SEC11A: variants seen among roughly 807,000 people sequenced by gnomAD.
SEC11A encodes the protein SEC11 homolog A, signal peptidase complex subunit.
In SEC11A, 14 loss-of-function variants were observed where a neutral mutation model predicts 25.6. The ratio of observed to expected loss-of-function variants is 0.55; its 90% confidence interval spans 0.36 to 0.85. The LOEUF is 0.85. Ranked by LOEUF, SEC11A falls within the 40% of genes least tolerant of loss-of-function variation. The probability of loss-of-function intolerance (pLI) is 0.01; values close to 1 mark genes in which losing one functional copy is unlikely to be tolerated. For synonymous variants in SEC11A, 83 were observed against 76.4 expected, an observed-to-expected ratio of 1.09 and a Z score of -0.45; for missense variants, 153 against 222.9, an observed-to-expected ratio of 0.69 and a Z score of 2.00.
intron 2 of SEC11A, among the ~76,000 whole-genome samples, chr15:84,689,416 T>A (rs1897532855): frequency 6.6e-6 from 1 of 152,118 alleles, no homozygotes; most frequent in Admixed American, 6.6e-5. Flanking sequence ...CATATCTCGA[T>A]AATTTGGTTA....
chr15:84,711,713 G>T (rs543345282), intron 1 of SEC11A, among the ~76,000 whole-genome samples: 2 of 147,252 alleles, frequency 1.4e-5, no homozygotes, highest in East Asian at 4.0e-4. Context: ...CAGCTACTTG[G>T]TTGCGGTGAG....
intron 1 of SEC11A, among the ~76,000 whole-genome samples, chr15:84,694,906 A>G (rs1429222042): frequency 2.6e-5 from 4 of 151,758 alleles, no homozygotes; most frequent in Admixed American, 6.6e-5. Context: ...CCTGGCCAAC[A>G]TGGTGAAACC....
rs111989460 is a variant in SEC11A, at chr15:84,670,993, T to C, written c.432-211A>G. ...TTAGAGATGAGGAAACAGATGATCA[T>C]GCCCAAGGTACATGGTTTCTGTGTG... On this transcript the variant is annotated intron_variant, in intron 4 of 5. Coordinates refer to ENST00000268220, the MANE Select transcript of SEC11A (RefSeq NM_014300.4). 1.8e-3 allele frequency: 722 copies of C among 392,490 alleles called. 3 individuals are homozygous for C. The highest frequency in any genetic ancestry group is 0.014 in the African/African-American group (666 of 47,884). The allele number at this position is 392,490 out of a possible 1,614,324, so 24.3% of individuals were successfully genotyped here. A position where few individuals can be genotyped will look rare whatever the true frequency, so the allele number is the denominator to read the frequency against.
chr15:84,680,638 T>G, intron 4 of SEC11A, 75 bp downstream of exon 4: 1 of 1,399,132 alleles, frequency 7.1e-7, no homozygotes, highest in Non-Finnish European at 9.6e-7. Context: ...CAACTGTGTA[T>G]GATCAAATAA....
chr15:84,702,711 T>G (rs1206172583), intron 1 of SEC11A, among the ~76,000 whole-genome samples: 1 of 152,068 alleles, frequency 6.6e-6, no homozygotes, highest in East Asian at 1.9e-4. Context: ...CAAGAAGAAA[T>G]AGACAACCTG....
chr15:84,694,830 G>A (rs1213536003), intron 1 of SEC11A, among the ~76,000 whole-genome samples: 1 of 151,966 alleles, frequency 6.6e-6, no homozygotes, highest in African/African-American at 2.4e-5. Flanking sequence ...AGTGGCTCAC[G>A]CCTGTAATCC....
intron 4 of SEC11A, 171 bp from the exon 5 acceptor site, chr15:84,670,953 A>G: frequency 2.2e-6 from 1 of 456,844 alleles, no homozygotes; most frequent in Admixed American, 4.2e-5. Context: ...TAGGAAAGTT[A>G]GGAATATCAC....
rs1412331581 is a variant in SEC11A, at chr15:84,690,423, C to T, written c.161+1112G>A. Among the ~76,000 whole-genome samples the T allele has an allele frequency of 2.0e-5, 3 of 152,034 alleles. No homozygotes were observed. In the East Asian group the frequency reaches 5.8e-4, roughly 29 times the overall value. On this transcript the variant is annotated intron_variant, in intron 2 of 5. Coordinates refer to ENST00000268220, the MANE Select transcript of SEC11A (RefSeq NM_014300.4). The stretch of plus-strand genomic sequence containing the variant: ...GTCTTGGGTACGTCTTTATCAGCAG[C>T]ATGAAAATGGACTAATACACCGTCT...
intron 1 of SEC11A, among the ~76,000 whole-genome samples, chr15:84,712,235 T>A (rs1898296335): frequency 9.7e-6 from 1 of 102,898 alleles, no homozygotes; most frequent in Non-Finnish European, 1.8e-5. Context: ...GAGAGAGACC[T>A]TGTCTTAAAA....
At chr15:84,706,607 T>C (rs1046311455) in intron 1 of SEC11A, among the ~76,000 whole-genome samples, 2 of 152,194 alleles carry the variant, frequency 1.3e-5, no homozygotes, top group Non-Finnish European at 2.9e-5. Flanking sequence ...AAAACAGCTA[T>C]GATCATGTGA....
Position 84,699,103 on chromosome 15 carries a change from C to T in SEC11A, c.52-7459G>A, listed in dbSNP as rs181209447. 7.2e-5 allele frequency among the ~76,000 whole-genome samples: 11 copies of T among 152,054 alleles called. No homozygotes were observed. The East Asian group carries it at 1.9e-3, about 27-fold the overall frequency. The stretch of plus-strand genomic sequence containing the variant: ...GCCAAGGAGGGCAGATCACTTGAGG[C>T]CAGGAGTTTGAGACCAGCCTGGCCA... On this transcript the variant is annotated intron_variant, in intron 1 of 5. Coordinates refer to ENST00000268220, the MANE Select transcript of SEC11A (RefSeq NM_014300.4).
At chr15:84,671,954 A>G (rs975176903) in intron 4 of SEC11A, 3 of 152,236 alleles carry the variant, frequency 2.0e-5, no homozygotes, top group Non-Finnish European at 2.9e-5. Context: ...AGCAAATGTA[A>G]AACTTTCTTC....
At chr15:84,672,227 C>A in intron 4 of SEC11A, 1 of 163,974 alleles carries the variant, frequency 6.1e-6, no homozygotes, top group East Asian at 1.5e-4. Context: ...CTGCCTCTGC[C>A]TCTGCCCCTG....
rs1209099880 is a variant in SEC11A at position 84,716,091 on chromosome 15, C to T, written c.-16G>A. ...GAGACAGCATGGCGGGGACGGCGAG[C>T]AGGACACCGGCAGGGGAAAGGGCGC... On this transcript the variant is annotated 5_prime_UTR_variant, in exon 1 of 6. Coordinates refer to ENST00000268220, the MANE Select transcript of SEC11A (RefSeq NM_014300.4). 5 of 1,613,010 alleles carry T rather than the reference C, an allele frequency of 3.1e-6. No individual in the cohort carries two copies. The Admixed American group carries it at 8.3e-5, about 27-fold the overall frequency.
At chr15:84,705,433 A>G (rs976616105) in intron 1 of SEC11A, among the ~76,000 whole-genome samples, 2 of 152,182 alleles carry the variant, frequency 1.3e-5, no homozygotes, top group African/African-American at 4.8e-5. Context: ...TATGTTGTAT[A>G]TGATCTGAAC....
At position 84,669,916 on chromosome 15, in the gene SEC11A, C is replaced by G. The variant is rs1016869993; in HGVS notation, c.*103G>C. On this transcript the variant is annotated 3_prime_UTR_variant, in exon 6 of 6. Coordinates refer to ENST00000268220, the MANE Select transcript of SEC11A (RefSeq NM_014300.4). ...GCAAACCAGTGCTACCCAGAAGCACCAACACGTGTGTTCTCCATTCCACCA... is the reference window on the plus strand; with the variant it reads ...GCAAACCAGTGCTACCCAGAAGCACGAACACGTGTGTTCTCCATTCCACCA... 1.9e-6 allele frequency: 3 copies of G among 1,588,514 alleles called. No homozygotes were observed. The highest frequency in any genetic ancestry group is 2.6e-6 in the Non-Finnish European group (3 of 1,167,556).
At chr15:84,675,632 A>C (rs1897113762) in intron 4 of SEC11A, among the ~76,000 whole-genome samples, 1 of 152,164 alleles carries the variant, frequency 6.6e-6, no homozygotes, top group Admixed American at 6.5e-5. Flanking sequence ...CTCCTTCCTT[A>C]TATATTTTTA....
In SEC11A at chr15:84,694,636, T is replaced by C. The variant is rs796309820; in HGVS notation, c.52-2992A>G. On this transcript the variant is annotated intron_variant, in intron 1 of 5. Coordinates refer to ENST00000268220, the MANE Select transcript of SEC11A (RefSeq NM_014300.4). ...CACTCTAAAAACTGTTTGTTTACTT[T>C]CATACTAGGGTGTTAATGCATGATG... is the stretch of plus-strand genomic sequence containing the variant. 2.2e-4 allele frequency among the ~76,000 whole-genome samples: 33 copies of C among 152,282 alleles called. 1 individual carries two copies. The highest frequency in any genetic ancestry group is 7.7e-4 in the African/African-American group (32 of 41,550).
chr15:84,670,866 T>C, intron 4 of SEC11A, 84 bp from the exon 5 acceptor site: 1 of 591,772 alleles, frequency 1.7e-6, no homozygotes, highest in East Asian at 3.2e-5. Flanking sequence ...CAATATCTTC[T>C]ATAGAATACT....
Sources: gnomAD v4.1 joint callset for allele counts (sites outside exome capture counted in the v4.1 genomes callset) on GRCh38, gnomAD v4.1.1 for gene constraint, MANE v1.5 for transcripts, NCBI Gene and HGNC (gene_info 2026-07-23, HGNC 2026-07-21) for gene names.